Variants in RASGRP3 observed in about 807,000 individuals in gnomAD.
RASGRP3 encodes the protein RAS guanyl releasing protein 3, also known as ras guanyl-releasing protein 3.
Under a neutral mutation model 82.7 loss-of-function variants are expected in RASGRP3, and 54 were observed. The observed-to-expected ratio is 0.65, with a 90% CI of 0.52 to 0.82. The LOEUF (loss-of-function observed/expected upper bound fraction) is 0.82. RASGRP3 is among the 40% of genes least tolerant of loss of function. The pLI, the probability that RASGRP3 is intolerant of heterozygous loss-of-function variation, is 0.00. For missense variants in RASGRP3, 861 were observed against 828.9 expected (o/e 1.04, Z -0.48); for synonymous variants, 309 against 300.5 (o/e 1.03, Z -0.29).
intron 2 of RASGRP3, among the ~76,000 whole-genome samples, chr2:33,471,006 T>A (rs1443930280): frequency 6.6e-6 from 1 of 152,178 alleles, no homozygotes; most frequent in Non-Finnish European, 1.5e-5. Flanking sequence ...ATAATGAGCA[T>A]GCTTTTCTTG....
upstream of RASGRP3, among the ~76,000 whole-genome samples, chr2:33,473,258 C>A (rs1323300494): frequency 6.6e-6 from 1 of 152,064 alleles, no homozygotes; most frequent in East Asian, 1.9e-4. Context: ...TGGCGGGTGC[C>A]TATAGTCCCA....
At chr2:33,524,074 G>T (rs756721325) in intron 8 of RASGRP3, 22 bp downstream of exon 8, 1 of 1,608,580 alleles carries the variant, frequency 6.2e-7, no homozygotes, top group Non-Finnish European at 8.5e-7. Flanking sequence ...AATCAGACTG[G>T]GTTCTTGAGT....
intron 9 of RASGRP3, 90 bp from the exon 10 acceptor site, chr2:33,527,047 C>T (rs540782363): frequency 2.2e-6 from 3 of 1,345,110 alleles, no homozygotes; most frequent in South Asian, 1.4e-5. Context: ...TTCTCAGTAG[C>T]TGAGGAATTT....
At chr2:33,489,952 A>C (rs17595032) in intron 1 of RASGRP3, among the ~76,000 whole-genome samples, 7,222 of 152,178 alleles carry the variant, frequency 0.047, 236 homozygotes, top group Non-Finnish European at 0.072. Flanking sequence ...ATCTTCAAAA[A>C]CTCAGGAAAA....
intron 10 of RASGRP3, chr2:33,533,604 G>T (rs1391502271): frequency 1.3e-5 from 2 of 152,190 alleles, no homozygotes; most frequent in African/African-American, 2.4e-5. Context: ...CTGAGTGTCA[G>T]AGAGGAAATT....
intron 10 of RASGRP3, chr2:33,530,898 A>G (rs2151046435): frequency 6.6e-6 from 1 of 152,296 alleles, no homozygotes; most frequent in South Asian, 2.1e-4. Flanking sequence ...TTACATCCCA[A>G]TTCACGTAAC....
At chr2:33,549,383 C>T (rs10209773) in intron 13 of RASGRP3, among the ~76,000 whole-genome samples, 22,556 of 152,112 alleles carry the variant, frequency 0.15, 2,107 homozygotes, top group Non-Finnish European at 0.18. Context: ...CACACACACA[C>T]GCAGGATGCA....
chr2:33,486,017 C>G (rs1668338035), intron 1 of RASGRP3, among the ~76,000 whole-genome samples: 3 of 152,120 alleles, frequency 2.0e-5, no homozygotes, highest in African/African-American at 7.2e-5. Flanking sequence ...AAATTTTTCT[C>G]AACCAAAACT....
chr2:33,534,405 GTAT>G lies in RASGRP3; in HGVS notation c.1161+10_1161+12del. On this transcript the variant is annotated splice_donor_region_variant and intron_variant, in intron 11 of 17. Coordinates refer to ENST00000403687, the MANE Select transcript of RASGRP3 (RefSeq NM_001139488.2). ...GAGCCTAGAAATTCTAAATCGGTAG[GTAT>G]TATTTTCTCTCCAAGGATCAGTACC... is the stretch of plus-strand genomic sequence containing the variant. The G allele has an allele frequency of 6.5e-7, 1 of 1,528,846 alleles. No homozygotes were observed. Among genetic ancestry groups the G allele is most frequent in the South Asian group, 1.2e-5 (1 of 86,316 alleles). The allele number at this position is 1,528,846 out of a possible 1,614,324, so 94.7% of individuals were successfully genotyped here.
intron 2 of RASGRP3, among the ~76,000 whole-genome samples, chr2:33,458,660 G>C (rs6728969): frequency 6.6e-6 from 1 of 152,100 alleles, no homozygotes; most frequent in East Asian, 1.9e-4. Context: ...GGGCTCTTCA[G>C]TTACCAAGGC....
intron 4 of RASGRP3, 22 bp from the exon 5 acceptor site, chr2:33,519,930 T>A (rs1379760200): frequency 2.5e-6 from 4 of 1,593,918 alleles, no homozygotes; most frequent in Non-Finnish European, 3.4e-6. Flanking sequence ...GTGCAAGGAT[T>A]TTTTTTCTTT....
chr2:33,498,900 C>T (rs902176454), intron 1 of RASGRP3, among the ~76,000 whole-genome samples: 1 of 151,790 alleles, frequency 6.6e-6, no homozygotes, highest in Non-Finnish European at 1.5e-5. Context: ...TGGTGTTAAT[C>T]ATAGTGTCTG....
chr2:33,527,344 G>A lies in RASGRP3; in HGVS notation c.1015G>A (p.Glu339Lys), dbSNP rs1327450456. The A allele has an allele frequency of 1.2e-6, 2 of 1,613,866 alleles. No homozygotes were observed. The highest frequency in any genetic ancestry group is 2.2e-5 in the South Asian group (2 of 91,056). Residue 339 changes from glutamate (E) to lysine (K), a missense_variant, in exon 10 of 18, where the codon GAA becomes AAA. Coordinates refer to ENST00000403687, the MANE Select transcript of RASGRP3 (RefSeq NM_001139488.2). ...KMHQLSVTLS[E>K]LVSLQNASHH... ...GCACCAGCTCTCCGTTACCCTGAGTGAACTAGTCTCCCTGCAGAATGCCTC... is the reference window on the plus strand; with the variant it reads ...GCACCAGCTCTCCGTTACCCTGAGTAAACTAGTCTCCCTGCAGAATGCCTC...
At chr2:33,522,910 G>C (rs1672169274) in intron 7 of RASGRP3, among the ~76,000 whole-genome samples, 1 of 152,156 alleles carries the variant, frequency 6.6e-6, no homozygotes. Flanking sequence ...TTCCCCACAG[G>C]CAGGCCATGG....
chr2:33,528,304 G>A (rs1367574986), intron 10 of RASGRP3, among the ~76,000 whole-genome samples: 1 of 152,210 alleles, frequency 6.6e-6, no homozygotes, highest in Non-Finnish European at 1.5e-5. Flanking sequence ...ATGTGGCTTA[G>A]ACAAAAGAAG....
chr2:33,519,594 G>T (rs751102983), intron 4 of RASGRP3, among the ~76,000 whole-genome samples: 1 of 152,128 alleles, frequency 6.6e-6, no homozygotes, highest in Non-Finnish European at 1.5e-5. Flanking sequence ...GCAACAGAGC[G>T]AGACTCCATC....
chr2:33,515,893 T>A (rs1421174458), intron 3 of RASGRP3, among the ~76,000 whole-genome samples: 1 of 152,234 alleles, frequency 6.6e-6, no homozygotes, highest in Non-Finnish European at 1.5e-5. Context: ...AAATACAGGA[T>A]GACCAGTTAC....
chr2:33,453,828 AC>A (rs773598135), intron 2 of RASGRP3, among the ~76,000 whole-genome samples: 2 of 152,294 alleles, frequency 1.3e-5, no homozygotes, highest in Non-Finnish European at 2.9e-5. Flanking sequence ...ACTTTTCTAT[AC>A]TTTAAAAGTT....
chr2:33,535,036 T>TA (rs1420264416), intron 11 of RASGRP3, among the ~76,000 whole-genome samples: 21 of 152,342 alleles, frequency 1.4e-4, no homozygotes, highest in African/African-American at 4.6e-4. Context: ...TAACTCATCT[T>TA]AATGTTAAAG....
Sources: gnomAD v4.1 joint callset for allele counts (sites outside exome capture counted in the v4.1 genomes callset) on GRCh38, gnomAD v4.1.1 for gene constraint, MANE v1.5 for transcripts, NCBI Gene and HGNC (gene_info 2026-07-23, HGNC 2026-07-21) for gene names.